The following SENP5 variants were observed in gnomAD, a reference collection of about 807,000 sequenced individuals.
The protein encoded by SENP5 is sentrin-specific protease 5.
A neutral mutation model predicts 74.2 loss-of-function variants in SENP5; 21 were observed. That is an observed-to-expected ratio of 0.28 (90% CI 0.20 to 0.41). The LOEUF (loss-of-function observed/expected upper bound fraction) is 0.41, where lower values mean the gene tolerates loss of function less well. SENP5 is among the 10% of genes least tolerant of loss of function. The pLI is 1.00. For synonymous variants in SENP5, 311 were observed against 312.7 expected (o/e 0.99, Z 0.06); for missense variants, 717 against 889.1 (o/e 0.81, Z 2.46).
At chr3:196,872,841 T>C (rs1474042645) in intron 1 of SENP5, among the ~76,000 whole-genome samples, 2 of 152,194 alleles carry the variant, frequency 1.3e-5, no homozygotes, top group African/African-American at 4.8e-5. Flanking sequence ...AGAAATTTTA[T>C]TGGGCTGTGC....
intron 2 of SENP5, among the ~76,000 whole-genome samples, chr3:196,890,238 A>G (rs1714145029): frequency 6.6e-6 from 1 of 152,222 alleles, no homozygotes; most frequent in African/African-American, 2.4e-5. Context: ...TTCAGCAAAT[A>G]ACAGAACTAA....
intron 6 of SENP5, among the ~76,000 whole-genome samples, chr3:196,917,451 A>C (rs1386389329): frequency 3.3e-5 from 5 of 152,202 alleles, no homozygotes; most frequent in African/African-American, 7.2e-5. Context: ...ATCAATATTC[A>C]GGTACAAGAA....
intron 2 of SENP5, among the ~76,000 whole-genome samples, chr3:196,891,251 A>C (rs1714187790): frequency 6.6e-6 from 1 of 152,208 alleles, no homozygotes. Flanking sequence ...AAATACATAG[A>C]GATATAAAGT....
intron 6 of SENP5, among the ~76,000 whole-genome samples, chr3:196,907,763 CA>C (rs1560153526): frequency 6.6e-6 from 1 of 151,834 alleles, no homozygotes; most frequent in South Asian, 2.1e-4. Flanking sequence ...AAAAAAATTG[CA>C]AAAAAGATCT....
chr3:196,876,630 C>G (rs1713484657), intron 1 of SENP5, among the ~76,000 whole-genome samples: 1 of 150,408 alleles, frequency 6.6e-6, no homozygotes, highest in Admixed American at 6.7e-5. Context: ...TGGCTCGTGT[C>G]TATAATCTCA....
rs1714619465 is a variant in SENP5 at position 196,899,788 on chromosome 3, A to G, written c.1619+17A>G. ...TTCTAATAGGTATATAAATGATGCT[A>G]AAGTTAAGCCCTTGAAAATAAAATT... is the stretch of plus-strand genomic sequence containing the variant. On this transcript the variant is annotated intron_variant, in intron 3 of 9. Transcript: ENST00000323460. 2 of 1,555,642 alleles carry G rather than the reference A, an allele frequency of 1.3e-6. No homozygotes were observed. The highest frequency in any genetic ancestry group is 1.1e-5 in the South Asian group (1 of 88,500).
chr3:196,926,787 C>T (rs1398395092), intron 7 of SENP5, among the ~76,000 whole-genome samples: 2 of 151,680 alleles, frequency 1.3e-5, no homozygotes, highest in African/African-American at 4.8e-5. Context: ...TACAGGTGTG[C>T]ACCACCACAC....
intron 6 of SENP5, among the ~76,000 whole-genome samples, chr3:196,920,872 T>C (rs966797111): frequency 3.3e-5 from 5 of 152,244 alleles, no homozygotes; most frequent in Non-Finnish European, 7.3e-5. Flanking sequence ...ACTTCACTTC[T>C]GCTTATTACA....
At chr3:196,882,949 G>A (rs1343504679) in intron 1 of SENP5, among the ~76,000 whole-genome samples, 1 of 148,340 alleles carries the variant, frequency 6.7e-6, no homozygotes, top group East Asian at 2.0e-4. Context: ...TTTTTTGGTG[G>A]ACTAGTTATA....
At chr3:196,917,904 A>G (rs1000673432) in intron 6 of SENP5, among the ~76,000 whole-genome samples, 2 of 152,252 alleles carry the variant, frequency 1.3e-5, no homozygotes, top group Non-Finnish European at 2.9e-5. Flanking sequence ...ACACAAGAAC[A>G]GAATGGCTTG....
intron 1 of SENP5, among the ~76,000 whole-genome samples, chr3:196,876,147 G>T (rs955420304): frequency 6.6e-6 from 1 of 152,076 alleles, no homozygotes; most frequent in East Asian, 1.9e-4. Context: ...TAAACTAGAG[G>T]TTCCCAAACT....
chr3:196,910,754 C>A (rs1338395348), intron 6 of SENP5, among the ~76,000 whole-genome samples: 1 of 152,094 alleles, frequency 6.6e-6, no homozygotes, highest in Non-Finnish European at 1.5e-5. Flanking sequence ...AAAAAAGAGC[C>A]TGTATAGCCA....
intron 1 of SENP5, among the ~76,000 whole-genome samples, chr3:196,878,644 T>G (rs928302213): frequency 6.6e-6 from 1 of 152,126 alleles, no homozygotes; most frequent in African/African-American, 2.4e-5. Context: ...CAGGCCAGAG[T>G]ACGGTGGCAT....
In SENP5 at chr3:196,934,624, T is replaced by C. The variant is rs530254990; in HGVS notation, c.*3701T>C. ...TGGTACCTGTTGGTCAGAAAAAGAA[T>C]TTATTTAGAGATTATGATCATGTAA... On this transcript the variant is annotated 3_prime_UTR_variant, in exon 10 of 10. Coordinates refer to ENST00000323460, the MANE Select transcript of SENP5 (RefSeq NM_152699.5). The C allele has an allele frequency of 6.6e-6, 1 of 152,358 alleles. No individual in the cohort carries two copies. The highest frequency in any genetic ancestry group is 1.9e-4 in the East Asian group (1 of 5,192). 9.4% of individuals were successfully genotyped at this position (152,358 alleles called of 1,614,324 possible). A position where few individuals can be genotyped will look rare whatever the true frequency, so the allele number is the denominator to read the frequency against.
At chr3:196,868,672 C>G (rs1279256261) in intron 1 of SENP5, among the ~76,000 whole-genome samples, 13 of 152,228 alleles carry the variant, frequency 8.5e-5, no homozygotes, top group Admixed American at 8.5e-4. Context: ...AAATCCTACC[C>G]TGCTCTCTGG....
At chr3:196,892,154 CTTTG>C (rs144122360) in intron 2 of SENP5, among the ~76,000 whole-genome samples, 1,794 of 149,478 alleles carry the variant, frequency 0.012, 42 homozygotes, top group African/African-American at 0.042. Context: ...TTTTTGGTTT[CTTTG>C]TTTGTGACAG....
intron 2 of SENP5, among the ~76,000 whole-genome samples, chr3:196,896,569 C>T (rs1233569823): frequency 6.6e-6 from 1 of 152,194 alleles, no homozygotes; most frequent in African/African-American, 2.4e-5. Flanking sequence ...ATTTTCCTGC[C>T]TCAGTCTCCC....
intron 2 of SENP5, among the ~76,000 whole-genome samples, chr3:196,891,873 C>T (rs1227861632): frequency 2.0e-5 from 3 of 152,006 alleles, no homozygotes; most frequent in Non-Finnish European, 4.4e-5. Flanking sequence ...TTACTGCAAC[C>T]TCTGCCTTCT....
At chr3:196,897,026 A>G (rs1714468929) in intron 2 of SENP5, among the ~76,000 whole-genome samples, 2 of 152,172 alleles carry the variant, frequency 1.3e-5, no homozygotes, top group South Asian at 4.1e-4. Flanking sequence ...AATAATTTAG[A>G]ATCTCCATCA....
Sources: allele counts gnomAD v4.1 joint callset (sites outside exome capture counted in the v4.1 genomes callset), GRCh38; gene constraint gnomAD v4.1.1; transcripts MANE v1.5; gene names NCBI Gene and HGNC (gene_info 2026-07-23, HGNC 2026-07-21).